Variants in JHY observed in about 807,000 individuals in gnomAD.
JHY encodes junctional cadherin complex regulator, also known as jhy protein homolog.
In JHY, 69 loss-of-function variants were observed where a neutral mutation model predicts 78.0. The ratio of observed to expected loss-of-function variants is 0.88; its 90% CI spans 0.73 to 1.08. The LOEUF is 1.08. JHY is among the 50% of genes least tolerant of loss of function. The pLI, the probability that JHY is intolerant of heterozygous loss-of-function variation, is 0.00. For synonymous variants in JHY, 368 were observed against 342.6 expected, an observed-to-expected ratio of 1.07 and a Z score of -0.82; for missense variants, 944 against 927.8, an observed-to-expected ratio of 1.02 and a Z score of -0.23.
In JHY at chr11:122,934,717, G is replaced by A; in HGVS notation, c.1276G>A (p.Ala426Thr). Residue 426 changes from alanine (A) to threonine (T), a missense_variant, in exon 5 of 9, where the codon GCC (alanine) becomes ACC (threonine). Physicochemically the swap from Ala to Thr is moderately conservative, Grantham distance 58. Transcript: ENST00000227349. ...GCATGCCTCTAACAATGATGTACAA[G>A]CCTCAAGGGCACTTAGAAGCCACAA... ...IMHASNNDVQ[A>T]SRALRSHNLK... is the part of the protein sequence containing the mutation. 2.5e-6 allele frequency: 4 copies of A among 1,614,138 alleles called. No individual in the cohort carries two copies. In the Admixed American group the frequency reaches 5.0e-5, roughly 20 times the overall value.
Position 122,934,713 on chromosome 11 carries a change from A to G in JHY, c.1272A>G (p.Val424=). ...IVIMHASNND[V]QASRALRSHN... ...TTATGCATGCCTCTAACAATGATGTACAAGCCTCAAGGGCACTTAGAAGCC... is the reference window on the plus strand; with the variant it reads ...TTATGCATGCCTCTAACAATGATGTGCAAGCCTCAAGGGCACTTAGAAGCC... The change falls in exon 5 of 9, where the codon GTA becomes GTG. Residue 424 remains valine (V), a synonymous_variant. Coordinates refer to ENST00000227349, the MANE Select transcript of JHY (RefSeq NM_024806.4). 1.2e-6 allele frequency: 2 copies of G among 1,614,194 alleles called. No individual in the cohort carries two copies. Among genetic ancestry groups the G allele is most frequent in the Non-Finnish European group, 1.7e-6 (2 of 1,180,032 alleles).
At chr11:122,932,009 G>T (rs1048213358) in intron 4 of JHY, among the ~76,000 whole-genome samples, 10 of 152,194 alleles carry the variant, frequency 6.6e-5, no homozygotes, top group African/African-American at 2.4e-4. Context: ...CTAAGTGCAT[G>T]GAGTATGCAG....
chr11:122,914,547 C>T (rs548850196), intron 3 of JHY, among the ~76,000 whole-genome samples: 53 of 152,096 alleles, frequency 3.5e-4, no homozygotes, highest in African/African-American at 1.3e-3. Context: ...CTGGTTCAAG[C>T]GATTCTCCTG....
rs1472567695 is a variant in JHY at position 122,898,642 on chromosome 11, GT to G, written c.345-5282del. 1.3e-5 allele frequency among the ~76,000 whole-genome samples: 2 copies of G among 152,326 alleles called. No homozygotes were observed. Among genetic ancestry groups the G allele is most frequent in the East Asian group, 3.9e-4 (2 of 5,186 alleles). ...CCAGCCCTGCTCTAAACAGTACAAA[GT>G]AGAGGATTACTTGTTCTAAGTTTTC... is the stretch of plus-strand genomic sequence containing the variant. On this transcript the variant is annotated intron_variant, in intron 2 of 8. Coordinates refer to ENST00000227349, the MANE Select transcript of JHY (RefSeq NM_024806.4). This position sits in a 1 kb window ranked among gnomAD's most constrained non-coding sequence, Gnocchi z 4.4.
At chr11:122,914,396 T>C (rs760872209) in intron 3 of JHY, among the ~76,000 whole-genome samples, 2 of 152,142 alleles carry the variant, frequency 1.3e-5, no homozygotes, top group Admixed American at 6.6e-5. Flanking sequence ...TATCTTCTTA[T>C]AGGATTCTTC....
chr11:122,928,797 C>T (rs1190967614), intron 4 of JHY, among the ~76,000 whole-genome samples: 4 of 152,076 alleles, frequency 2.6e-5, no homozygotes, highest in South Asian at 4.2e-4. Context: ...TATAGGCACC[C>T]GCCACCACGC....
intron 4 of JHY, among the ~76,000 whole-genome samples, chr11:122,932,166 T>G (rs549051199): frequency 7.2e-5 from 11 of 152,300 alleles, no homozygotes; most frequent in African/African-American, 2.6e-4. Context: ...GAGTGACACC[T>G]GATGCCCCAA....
In JHY at chr11:122,946,479, CT is replaced by C. The variant is rs752523535; in HGVS notation, c.1635-8del. On this transcript the variant is annotated intron_variant, in intron 5 of 8. Coordinates refer to ENST00000227349, the MANE Select transcript of JHY (RefSeq NM_024806.4). Reference sequence around the variant, plus strand: ...TTGGATTTTATTAATAGATTTGTGCCTTTTTTTTTTTCATTAAGGAAATTCC... The same window carrying C: ...TTGGATTTTATTAATAGATTTGTGCCTTTTTTTTTTCATTAAGGAAATTCC... The C allele has an allele frequency of 0.042, 39,258 of 943,018 alleles. 26 individuals are homozygous for C. Among genetic ancestry groups the C allele is most frequent in the South Asian group, 0.079 (3,697 of 46,876 alleles). The allele number at this position is 943,018 out of a possible 1,614,324, so 58.4% of individuals were successfully genotyped here.
intron 2 of JHY, among the ~76,000 whole-genome samples, chr11:122,901,889 T>TAAAA (rs1236651731): frequency 6.5e-5 from 9 of 138,354 alleles, no homozygotes; most frequent in African/African-American, 2.3e-4. Flanking sequence ...AAAAAAAAAT[T>TAAAA]TTTATTTTTT....
At chr11:122,921,035 C>CA (rs759682121) in intron 3 of JHY, among the ~76,000 whole-genome samples, 4,258 of 138,904 alleles carry the variant, frequency 0.031, 113 homozygotes, top group African/African-American at 0.075. Context: ...GAATGGTTCA[C>CA]AAAAAAAAAA....
chr11:122,937,240 TTC>T (rs1863774589), intron 5 of JHY, among the ~76,000 whole-genome samples: 1 of 100,044 alleles, frequency 1.0e-5, no homozygotes, highest in African/African-American at 3.8e-5. Flanking sequence ...CTCTTTTCAT[TTC>T]TTTTTTTTTT....
intron 6 of JHY, 51 bp from the exon 7 acceptor site, chr11:122,956,445 G>C (rs768807307): frequency 6.5e-7 from 1 of 1,538,152 alleles, no homozygotes; most frequent in African/African-American, 1.4e-5. Context: ...GTTAGGAGTC[G>C]GGGGACACAC....
In JHY at chr11:122,885,972, C is replaced by T. The variant is rs529853078; in HGVS notation, c.123C>T (p.Asp41=). 11 of 1,614,196 alleles carry T rather than the reference C, an allele frequency of 6.8e-6. No homozygotes were observed. In the South Asian group the frequency reaches 9.9e-5, roughly 14 times the overall value. Residue 41 remains aspartate, a synonymous_variant, in exon 2 of 9, where the codon GAC becomes GAT. Coordinates refer to ENST00000227349, the MANE Select transcript of JHY (RefSeq NM_024806.4). ...AAGACTTACATCGGATTTCAAAAGACTCCTTGGAATCTGATTCAGAAAGCC... is the reference window on the plus strand; with the variant it reads ...AAGACTTACATCGGATTTCAAAAGATTCCTTGGAATCTGATTCAGAAAGCC... ...KKEDLHRISK[D]SLESDSESLT...
At chr11:122,945,361 C>T (rs185932612) in intron 5 of JHY, among the ~76,000 whole-genome samples, 1 of 152,044 alleles carries the variant, frequency 6.6e-6, no homozygotes, top group Admixed American at 6.6e-5. Flanking sequence ...GTTCTTTTTC[C>T]AAAATACAGG....
At chr11:122,957,278 T>C in intron 7 of JHY, 85 bp from the exon 8 acceptor site, 4 of 1,417,124 alleles carry the variant, frequency 2.8e-6, no homozygotes, top group South Asian at 3.4e-5. Context: ...ACGCCCAGTA[T>C]ACTGAAACCA....
intron 2 of JHY, among the ~76,000 whole-genome samples, chr11:122,902,430 A>T (rs143824281): frequency 0.013 from 1,929 of 152,156 alleles, 29 homozygotes; most frequent in Non-Finnish European, 0.019. Context: ...ACACCACTGC[A>T]CTCCAGCCTG....
At chr11:122,928,072 G>A (rs527735633) in intron 4 of JHY, among the ~76,000 whole-genome samples, 1 of 152,146 alleles carries the variant, frequency 6.6e-6, no homozygotes, top group Non-Finnish European at 1.5e-5. Flanking sequence ...TTAAGGTACC[G>A]ATTGTATTTT....
At chr11:122,922,397 G>A (rs534844778) in intron 3 of JHY, among the ~76,000 whole-genome samples, 22 of 152,192 alleles carry the variant, frequency 1.4e-4, no homozygotes, top group Admixed American at 3.3e-4. Context: ...TTTGTCCAGG[G>A]AAGGCACATT....
chr11:122,894,934 G>T (rs1247557246), intron 2 of JHY, among the ~76,000 whole-genome samples: 1 of 152,116 alleles, frequency 6.6e-6, no homozygotes, highest in Non-Finnish European at 1.5e-5. Flanking sequence ...ATAAATGCCT[G>T]CATTAAATAA....
Sources: gnomAD v4.1 joint callset for allele counts (sites outside exome capture counted in the v4.1 genomes callset) on GRCh38, gnomAD v4.1.1 for gene constraint, Gnocchi (gnomAD v3.1) non-coding constraint, MANE v1.5 for transcripts, NCBI Gene and HGNC (gene_info 2026-07-23, HGNC 2026-07-21) for gene names.